The following GALNT18 variants were observed in gnomAD, a reference collection of about 807,000 sequenced individuals.
GALNT18 encodes polypeptide N-acetylgalactosaminyltransferase 18, also known as GalNAc-transferase 18.
Under a neutral mutation model 69.5 loss-of-function variants are expected in GALNT18, and 44 were observed. The ratio of observed to expected loss-of-function variants is 0.63; its 90% CI spans 0.50 to 0.81. The LOEUF (loss-of-function observed/expected upper bound fraction) is 0.81, where lower values mean the gene tolerates loss of function less well. Among genes scored for constraint, GALNT18 ranks in the 40% least tolerant of loss-of-function variants. The pLI is 0.00. For missense variants in GALNT18, 715 were observed against 810.0 expected (o/e 0.88, Z 1.42); for synonymous variants, 364 against 318.2 (o/e 1.14, Z -1.53).
chr11:11,399,811 G>T (rs1038254462), intron 3 of GALNT18, among the ~76,000 whole-genome samples: 2 of 152,190 alleles, frequency 1.3e-5, no homozygotes, highest in African/African-American at 4.8e-5. Flanking sequence ...TGCCTGGCAG[G>T]TACTGAATAC....
chr11:11,427,241 C>G (rs1251024190), intron 3 of GALNT18, among the ~76,000 whole-genome samples: 1 of 152,232 alleles, frequency 6.6e-6, no homozygotes, highest in Non-Finnish European at 1.5e-5. Flanking sequence ...ATAACGGCCA[C>G]TTACAGAGCC....
rs578095332 is a variant in GALNT18, at chr11:11,318,594, G to A, written c.1512+8492C>T. Among the ~76,000 whole-genome samples, 2 of 152,240 alleles carry A rather than the reference G, an allele frequency of 1.3e-5. No homozygotes were observed. The highest frequency in any genetic ancestry group is 4.8e-5 in the African/African-American group (2 of 41,540). On this transcript the variant is annotated intron_variant, in intron 9 of 10. Coordinates refer to ENST00000227756, the MANE Select transcript of GALNT18 (RefSeq NM_198516.3). This position sits in a 1 kb window ranked among gnomAD's most constrained non-coding sequence, Gnocchi z 5.1. ...AGTAATTTTCTGTCGTTTAAGTCTC[G>A]CAGCTTGTGGTACTTTGTTACGGAA...
At chr11:11,449,011 C>T in intron 1 of GALNT18, 75 bp from the exon 2 acceptor site, 1 of 1,225,888 alleles carries the variant, frequency 8.2e-7, no homozygotes, top group Non-Finnish European at 1.1e-6. Flanking sequence ...CTTTCCCTTC[C>T]TCACAAACAG....
rs142204042 is a variant in GALNT18, at chr11:11,446,254, G to A, written c.428+2490C>T. ...TGGTCCAAATGGGAAGGGCATTATC[G>A]GCACGTCCAGCACTATGGGAATCCC... is the stretch of plus-strand genomic sequence containing the variant. On this transcript the variant is annotated intron_variant, in intron 2 of 10. Coordinates refer to ENST00000227756, the MANE Select transcript of GALNT18 (RefSeq NM_198516.3). Among the ~76,000 whole-genome samples, 61 of 152,276 alleles carry A rather than the reference G, an allele frequency of 4.0e-4. No individual in the cohort carries two copies. The South Asian group carries it at 6.2e-3, about 16-fold the overall frequency.
At chr11:11,400,260 C>G (rs1452909611) in intron 3 of GALNT18, among the ~76,000 whole-genome samples, 1 of 152,230 alleles carries the variant, frequency 6.6e-6, no homozygotes, top group African/African-American at 2.4e-5. Context: ...ACCCACCCAG[C>G]TAAGACACTC....
At chr11:11,330,729 T>C (rs913593221) in intron 8 of GALNT18, among the ~76,000 whole-genome samples, 39 of 152,368 alleles carry the variant, frequency 2.6e-4, no homozygotes, top group Admixed American at 1.8e-3. Flanking sequence ...TTTCTGGGGA[T>C]GGCATGGAGG....
chr11:11,481,055 G>A (rs1013438369), intron 1 of GALNT18, among the ~76,000 whole-genome samples: 3 of 152,078 alleles, frequency 2.0e-5, no homozygotes, highest in South Asian at 4.2e-4. Context: ...CAATCTAATG[G>A]AATTTGCTCA....
Position 11,586,800 on chromosome 11 carries a change from A to G in GALNT18, c.235+34559T>C, listed in dbSNP as rs1218667512. Among the ~76,000 whole-genome samples the G allele has an allele frequency of 5.1e-5, 7 of 137,698 alleles. No individual in the cohort carries two copies. The highest frequency in any genetic ancestry group is 1.1e-4 in the Non-Finnish European group (7 of 64,086). 90.3% of individuals were successfully genotyped at this position (137,698 alleles called of 152,430 possible). A position where few individuals can be genotyped will look rare whatever the true frequency, so the allele number is the denominator to read the frequency against. ...ACCAGCCTGGCCAACATGGTTAAAC[A>G]CCATCTCTACTAAAAACACACACAC... On this transcript the variant is annotated intron_variant, in intron 1 of 10. Coordinates refer to ENST00000227756, the MANE Select transcript of GALNT18 (RefSeq NM_198516.3). This position sits in a 1 kb window ranked among gnomAD's most constrained non-coding sequence, Gnocchi z 4.1.
At chr11:11,272,409 G>T (rs1293905155) in intron 10 of GALNT18, among the ~76,000 whole-genome samples, 1 of 152,118 alleles carries the variant, frequency 6.6e-6, no homozygotes, top group Non-Finnish European at 1.5e-5. Flanking sequence ...ACCTCCAGAG[G>T]CAGGAGTAGT....
At chr11:11,519,392 CA>C (rs1857346533) in intron 1 of GALNT18, among the ~76,000 whole-genome samples, 1 of 152,162 alleles carries the variant, frequency 6.6e-6, no homozygotes, top group African/African-American at 2.4e-5. Context: ...TGGCTGGGAG[CA>C]TTGTTCACGG....
intron 1 of GALNT18, among the ~76,000 whole-genome samples, chr11:11,515,628 G>A (rs182456856): frequency 2.5e-4 from 38 of 152,372 alleles, no homozygotes; most frequent in Non-Finnish European, 5.9e-5. Flanking sequence ...ATGGAGTTGG[G>A]TTGGGAGATA....
chr11:11,282,061 A>G (rs1344673655), intron 10 of GALNT18, among the ~76,000 whole-genome samples: 2 of 151,762 alleles, frequency 1.3e-5, no homozygotes, highest in Non-Finnish European at 2.9e-5. Flanking sequence ...AACAAAAATT[A>G]TAAAAGGTTA....
intron 6 of GALNT18, among the ~76,000 whole-genome samples, chr11:11,367,001 C>A (rs546967949): frequency 6.6e-6 from 1 of 152,178 alleles, no homozygotes; most frequent in Non-Finnish European, 1.5e-5. Flanking sequence ...CTTTAATAAG[C>A]TATTCTCTAA....
rs56183764 is a variant in GALNT18, at chr11:11,319,545, G to A, written c.1512+7541C>T. Reference sequence around the variant, plus strand: ...GGGTGGAGTTATGCTGCTACAAGCCGTTACCTTGATTTGGACAAGGTAATG... The same window carrying A: ...GGGTGGAGTTATGCTGCTACAAGCCATTACCTTGATTTGGACAAGGTAATG... On this transcript the variant is annotated intron_variant, in intron 9 of 10. Transcript: ENST00000227756. Among the ~76,000 whole-genome samples, 1,328 of 152,146 alleles carry A rather than the reference G, an allele frequency of 8.7e-3. 20 individuals carry two copies. Among genetic ancestry groups the A allele is most frequent in the African/African-American group, 0.03 (1,255 of 41,494 alleles).
chr11:11,520,928 C>T (rs775756864), intron 1 of GALNT18, among the ~76,000 whole-genome samples: 15 of 151,902 alleles, frequency 9.9e-5, no homozygotes, highest in South Asian at 2.1e-4. Flanking sequence ...TGGCAGGGAT[C>T]GGGAAGCACA....
At chr11:11,455,604 C>A (rs925828360) in intron 1 of GALNT18, among the ~76,000 whole-genome samples, 1 of 152,176 alleles carries the variant, frequency 6.6e-6, no homozygotes, top group Non-Finnish European at 1.5e-5. Flanking sequence ...AGATCGGAAA[C>A]CAAGAAGCCA....
At chr11:11,286,000 A>G (rs962121030) in intron 10 of GALNT18, among the ~76,000 whole-genome samples, 33 of 152,126 alleles carry the variant, frequency 2.2e-4, no homozygotes, top group African/African-American at 6.8e-4. Context: ...CCTGGCATTA[A>G]CAGACATCTC....
At chr11:11,557,494 GT>G (rs1475375035) in intron 1 of GALNT18, among the ~76,000 whole-genome samples, 3 of 152,180 alleles carry the variant, frequency 2.0e-5, no homozygotes, top group Non-Finnish European at 4.4e-5. Context: ...GAAGGGCCCT[GT>G]CCCCACACAG....
At chr11:11,373,615 A>T (rs1321008245) in intron 5 of GALNT18, among the ~76,000 whole-genome samples, 5 of 152,234 alleles carry the variant, frequency 3.3e-5, no homozygotes, top group Non-Finnish European at 5.9e-5. Flanking sequence ...CAGGGGTCTT[A>T]GGCTGGAACA....
Sources: gnomAD v4.1 joint callset for allele counts (sites outside exome capture counted in the v4.1 genomes callset) on GRCh38, gnomAD v4.1.1 for gene constraint, Gnocchi (gnomAD v3.1) non-coding constraint, MANE v1.5 for transcripts, NCBI Gene and HGNC (gene_info 2026-07-23, HGNC 2026-07-21) for gene names.